The following SUSD1 variants were observed in gnomAD, a reference collection of about 807,000 sequenced individuals.
SUSD1 encodes sushi domain-containing protein 1.
SUSD1 carries 65 observed loss-of-function variants against 86.9 expected under a neutral mutation model. The observed-to-expected ratio is 0.75, with a 90% CI of 0.61 to 0.92. SUSD1 has a LOEUF of 0.92. Among genes scored for constraint, SUSD1 ranks in the 40% least tolerant of loss-of-function variants. The pLI is 0.00. For synonymous variants in SUSD1, 346 were observed against 350.0 expected (o/e 0.99, Z 0.13); for missense variants, 850 against 929.7 (o/e 0.91, Z 1.11).
At chr9:112,130,582 AGG>A in intron 5 of SUSD1, among the ~76,000 whole-genome samples, 1 of 145,010 alleles carries the variant, frequency 6.9e-6, no homozygotes, top group African/African-American at 2.5e-5. Context: ...AAAGGAAAGG[AGG>A]AAGGAAGGAA....
At chr9:112,116,428 C>T (rs541683294) in intron 6 of SUSD1, among the ~76,000 whole-genome samples, 1 of 152,192 alleles carries the variant, frequency 6.6e-6, no homozygotes, top group South Asian at 2.1e-4. Context: ...TTAATGCTGC[C>T]CTTTTAATGG....
chr9:112,061,178 A>C (rs1451670685), intron 13 of SUSD1, among the ~76,000 whole-genome samples: 2 of 152,176 alleles, frequency 1.3e-5, no homozygotes, highest in Non-Finnish European at 2.9e-5. Flanking sequence ...TAACATCAGC[A>C]ACCTCAGCAG....
At chr9:112,094,849 A>G (rs535583563) in intron 10 of SUSD1, among the ~76,000 whole-genome samples, 1 of 152,366 alleles carries the variant, frequency 6.6e-6, no homozygotes, top group South Asian at 2.1e-4. Flanking sequence ...AAATGTGAAC[A>G]TGTTTAAAAA....
intron 12 of SUSD1, among the ~76,000 whole-genome samples, chr9:112,064,600 G>A (rs1018798098): frequency 7.2e-5 from 11 of 152,218 alleles, no homozygotes; most frequent in Admixed American, 2.0e-4. Context: ...GGGTGCGGGG[G>A]TGCGGTGGCT....
At chr9:112,158,230 CT>C (rs35249331) in intron 1 of SUSD1, among the ~76,000 whole-genome samples, 25,109 of 152,098 alleles carry the variant, frequency 0.17, 2,428 homozygotes, top group East Asian at 0.28. Flanking sequence ...GCTAACTACT[CT>C]TTCCCTAACA....
chr9:112,127,590 G>A (rs924882342), intron 5 of SUSD1, among the ~76,000 whole-genome samples: 6 of 149,980 alleles, frequency 4.0e-5, no homozygotes, highest in African/African-American at 7.3e-5. Context: ...ATGTTCATTC[G>A]TTTATTTATT....
intron 1 of SUSD1, among the ~76,000 whole-genome samples, chr9:112,162,803 T>C (rs1833627130): frequency 6.6e-6 from 1 of 152,166 alleles, no homozygotes; most frequent in South Asian, 2.1e-4. Flanking sequence ...TCTCTCCTCA[T>C]GGAGTAATAA....
chr9:112,169,676 T>C (rs1398828999), intron 1 of SUSD1, among the ~76,000 whole-genome samples: 1 of 77,294 alleles, frequency 1.3e-5, no homozygotes. Context: ...AGGGTGTACC[T>C]TTTTTTTTTT....
chr9:112,106,955 C>T (rs1830868675), intron 8 of SUSD1, among the ~76,000 whole-genome samples: 1 of 151,444 alleles, frequency 6.6e-6, no homozygotes, highest in Non-Finnish European at 1.5e-5. Context: ...AAAGACACAG[C>T]AAAGTAGCAT....
At chr9:112,083,234 A>T (rs1829839409) in intron 10 of SUSD1, among the ~76,000 whole-genome samples, 1 of 149,450 alleles carries the variant, frequency 6.7e-6, no homozygotes, top group South Asian at 2.1e-4. Context: ...ATTTTAAAGA[A>T]TTTTTTTTTT....
intron 12 of SUSD1, among the ~76,000 whole-genome samples, chr9:112,068,597 G>T (rs1829098102): frequency 6.6e-6 from 1 of 151,864 alleles, no homozygotes; most frequent in Non-Finnish European, 1.5e-5. Flanking sequence ...AGCTACTCAT[G>T]AGGCCAAGGT....
intron 10 of SUSD1, among the ~76,000 whole-genome samples, chr9:112,093,906 A>G (rs769243954): frequency 6.6e-6 from 1 of 152,166 alleles, no homozygotes; most frequent in Non-Finnish European, 1.5e-5. Context: ...TTTAGGCAGG[A>G]GCAGATGGAA....
intron 6 of SUSD1, among the ~76,000 whole-genome samples, chr9:112,114,202 G>A (rs554617546): frequency 1.3e-5 from 2 of 152,054 alleles, no homozygotes; most frequent in Admixed American, 6.6e-5. Context: ...AAACAAACAG[G>A]CCTGGTGCAA....
intron 1 of SUSD1, among the ~76,000 whole-genome samples, chr9:112,168,454 G>C (rs921177247): frequency 6.6e-6 from 1 of 152,160 alleles, no homozygotes; most frequent in Non-Finnish European, 1.5e-5. Context: ...CACCTTTTCA[G>C]CCCTGCTCAC....
At chr9:112,158,236 C>G (rs1307017844) in intron 1 of SUSD1, among the ~76,000 whole-genome samples, 2 of 152,070 alleles carry the variant, frequency 1.3e-5, no homozygotes, top group African/African-American at 4.8e-5. Context: ...TACTCTTTCC[C>G]TAACAGAATA....
At chr9:112,058,970 T>A (rs936798011) in intron 13 of SUSD1, among the ~76,000 whole-genome samples, 3 of 152,086 alleles carry the variant, frequency 2.0e-5, no homozygotes, top group African/African-American at 7.2e-5. Flanking sequence ...ACTTTTGTAT[T>A]TTTAGTAGAG....
At chr9:112,167,411 CATT>C in intron 1 of SUSD1, among the ~76,000 whole-genome samples, 1 of 152,154 alleles carries the variant, frequency 6.6e-6, no homozygotes, top group Non-Finnish European at 1.5e-5. Flanking sequence ...CCAGGTCTCT[CATT>C]TTAATCCATG....
In SUSD1 at chr9:112,098,553, G is replaced by A. The variant is rs184111492; in HGVS notation, c.1391C>T (p.Thr464Met). ...GGTCACATTCACCGTATAATCAGTC[G>A]TAGGGTACAGATCCAAACACACTAC... The part of the protein sequence containing the change: ...VPVVCLDLYP[T>M]TDYTVNVTLL... The change falls in exon 10 of 17, where the codon ACG becomes ATG. Residue 464 changes from threonine to methionine, a missense_variant. Thr to Met is a moderately conservative substitution (Grantham distance 81). Transcript: ENST00000374270. 1.0e-4 allele frequency: 162 copies of A among 1,614,160 alleles called. No individual in the cohort carries two copies. Among genetic ancestry groups the A allele is most frequent in the Non-Finnish European group, 1.2e-4 (141 of 1,180,024 alleles).
At chr9:112,116,872 G>GCTGA (rs746729225) in intron 6 of SUSD1, among the ~76,000 whole-genome samples, 10 of 152,216 alleles carry the variant, frequency 6.6e-5, no homozygotes, top group African/African-American at 2.4e-4. Context: ...AGGCACAGTG[G>GCTGA]CTGACACCTG....
Sources: allele counts gnomAD v4.1 joint callset (sites outside exome capture counted in the v4.1 genomes callset), GRCh38; gene constraint gnomAD v4.1.1; transcripts MANE v1.5; gene names NCBI Gene and HGNC (gene_info 2026-07-23, HGNC 2026-07-21).